The following WSCD1 variants were observed in gnomAD, a reference collection of about 807,000 sequenced individuals.
WSCD1 encodes WSC domain sialate O sulfotransferase 1.
A neutral mutation model predicts 60.4 loss-of-function variants in WSCD1; 41 were observed. The ratio of observed to expected loss-of-function variants is 0.68; its 90% CI spans 0.53 to 0.88. The LOEUF (loss-of-function observed/expected upper bound fraction) is 0.88, where lower values mean the gene tolerates loss of function less well. Among genes scored for constraint, WSCD1 ranks in the 40% least tolerant of loss-of-function variants. The pLI is 0.00. For missense variants in WSCD1, 784 were observed against 796.2 expected, an observed-to-expected ratio of 0.98 and a Z score of 0.18; for synonymous variants, 361 against 332.5, an observed-to-expected ratio of 1.09 and a Z score of -0.93.
chr17:6,111,947 C>T (rs1343110232), intron 7 of WSCD1, among the ~76,000 whole-genome samples: 1 of 152,056 alleles, frequency 6.6e-6, no homozygotes, highest in Non-Finnish European at 1.5e-5. Flanking sequence ...TACAAACAAC[C>T]AAACAAATCT....
At chr17:6,117,188 C>T (rs1395690246) in intron 7 of WSCD1, among the ~76,000 whole-genome samples, 1 of 152,184 alleles carries the variant, frequency 6.6e-6, no homozygotes, top group African/African-American at 2.4e-5. Flanking sequence ...AGTAGTCAGT[C>T]ATTCAGGTTC....
chr17:6,106,309 G>A (rs1409938015), intron 5 of WSCD1, among the ~76,000 whole-genome samples: 1 of 152,196 alleles, frequency 6.6e-6, no homozygotes, highest in Non-Finnish European at 1.5e-5. Flanking sequence ...GCACAAGAAT[G>A]TTCAGAGGAG....
intron 7 of WSCD1, among the ~76,000 whole-genome samples, chr17:6,114,930 G>C (rs1911612968): frequency 6.6e-6 from 1 of 152,108 alleles, no homozygotes; most frequent in Admixed American, 6.6e-5. Flanking sequence ...TTATGAGTGA[G>C]AACATGTGGT....
chr17:6,122,145 AG>A lies in WSCD1; in HGVS notation c.*1485del, dbSNP rs1456771858. The A allele has an allele frequency of 6.6e-6, 1 of 152,378 alleles. No individual in the cohort carries two copies. The highest frequency in any genetic ancestry group is 2.4e-5 in the African/African-American group (1 of 41,444). The allele number at this position is 152,378 out of a possible 1,614,324, so 9.4% of individuals were successfully genotyped here. A position where few individuals can be genotyped will look rare whatever the true frequency, so the allele number is the denominator to read the frequency against. On this transcript the variant is annotated 3_prime_UTR_variant, in exon 9 of 9. Transcript: ENST00000317744. ...GAAGGCAGGGTGAGGGATCTGGGAGAGCAGGACGTTGAGATATCCTGACCCT... is the reference window on the plus strand; with the variant it reads ...GAAGGCAGGGTGAGGGATCTGGGAGACAGGACGTTGAGATATCCTGACCCT...
At position 6,081,211 on chromosome 17, in the gene WSCD1, C is replaced by T. The variant is rs982559609; in HGVS notation, c.427+126C>T. 4 of 1,207,464 alleles carry T rather than the reference C, an allele frequency of 3.3e-6. No homozygotes were observed. The African/African-American group carries it at 6.1e-5, about 19-fold the overall frequency. 74.8% of individuals were successfully genotyped at this position (1,207,464 alleles called of 1,614,324 possible). On this transcript the variant is annotated intron_variant, in intron 2 of 8. Transcript: ENST00000317744. ...CGCTAGATGGTTCTTTCCTTCTGCT[C>T]TGCAGGACAGGAAGGGGCCTGCGAT...
At chr17:6,106,982 C>T (rs1911121868) in intron 5 of WSCD1, among the ~76,000 whole-genome samples, 1 of 152,102 alleles carries the variant, frequency 6.6e-6, no homozygotes. Flanking sequence ...TGAGAGCGTG[C>T]CACAGACTGG....
chr17:6,077,040 G>A (rs566340162), intron 1 of WSCD1, among the ~76,000 whole-genome samples: 2 of 151,940 alleles, frequency 1.3e-5, no homozygotes, highest in African/African-American at 4.8e-5. Context: ...GCTATAAAGT[G>A]TGGTGGAAGT....
Position 6,087,955 on chromosome 17 carries a change from G to A in WSCD1, c.428-35G>A, listed in dbSNP as rs756884349. On this transcript the variant is annotated intron_variant, in intron 2 of 8. Transcript: ENST00000317744. ...CCTAAGGGTGGGCCCATGATTCCTG[G>A]GCCTCTGGTATTAGCCATGCTTCCC... 1.0e-5 allele frequency: 16 copies of A among 1,551,978 alleles called. No homozygotes were observed. The Admixed American group carries it at 2.2e-4, about 21-fold the overall frequency.
chr17:6,097,639 C>T (rs879653749), intron 5 of WSCD1, among the ~76,000 whole-genome samples: 6 of 152,226 alleles, frequency 3.9e-5, no homozygotes, highest in African/African-American at 4.8e-5. Context: ...CCTTCACAAA[C>T]GATGCGGCAG....
At chr17:6,095,954 T>C (rs1910395669) in intron 5 of WSCD1, among the ~76,000 whole-genome samples, 1 of 152,178 alleles carries the variant, frequency 6.6e-6, no homozygotes, top group Admixed American at 6.5e-5. Flanking sequence ...TCACATGCGC[T>C]GGGATTGCTG....
intron 7 of WSCD1, among the ~76,000 whole-genome samples, chr17:6,116,785 T>C (rs1471128158): frequency 1.3e-5 from 2 of 152,246 alleles, no homozygotes; most frequent in Non-Finnish European, 2.9e-5. Context: ...TCACTGCAGA[T>C]ACAAATGCTT....
chr17:6,090,607 G>A, intron 4 of WSCD1, 102 bp downstream of exon 4: 1 of 1,465,706 alleles, frequency 6.8e-7, no homozygotes, highest in East Asian at 2.5e-5. Flanking sequence ...GGCAGAACCT[G>A]TGCCAACCTC....
At chr17:6,116,454 C>T (rs543191678) in intron 7 of WSCD1, among the ~76,000 whole-genome samples, 250 of 152,286 alleles carry the variant, frequency 1.6e-3, no homozygotes, top group African/African-American at 5.4e-3. Context: ...AATGCCCAAC[C>T]ACCAAATCTA....
chr17:6,081,195 G>A, intron 2 of WSCD1, 110 bp downstream of exon 2: 2 of 1,291,202 alleles, frequency 1.5e-6, no homozygotes, highest in Non-Finnish European at 2.1e-6. Flanking sequence ...CCGCTAGATG[G>A]TTCTTTCCTT....
At chr17:6,079,420 C>G (rs1180149458) in intron 1 of WSCD1, among the ~76,000 whole-genome samples, 1 of 152,246 alleles carries the variant, frequency 6.6e-6, no homozygotes, top group Admixed American at 6.5e-5. Context: ...CAACAGCACA[C>G]TTCAGAGGTG....
intron 5 of WSCD1, among the ~76,000 whole-genome samples, chr17:6,107,164 ACCT>A (rs1271876053): frequency 2.0e-5 from 3 of 151,856 alleles, no homozygotes; most frequent in African/African-American, 7.3e-5. Context: ...CTGTATCCTA[ACCT>A]CCTCTTCTTG....
chr17:6,074,973 G>A (rs568572169), intron 1 of WSCD1, among the ~76,000 whole-genome samples: 65 of 152,246 alleles, frequency 4.3e-4, no homozygotes, highest in African/African-American at 1.5e-3. Flanking sequence ...GTCACAGGAG[G>A]GGAATCCAGG....
At chr17:6,102,207 C>G (rs899039512) in intron 5 of WSCD1, among the ~76,000 whole-genome samples, 2 of 152,346 alleles carry the variant, frequency 1.3e-5, no homozygotes, top group African/African-American at 4.8e-5. Flanking sequence ...AGCCACCTTT[C>G]AAATGGAAAA....
In WSCD1 at chr17:6,120,398, C is replaced by T; in HGVS notation, c.1465C>T (p.His489Tyr). Residue 489 changes from histidine to tyrosine, a missense_variant, in exon 9 of 9, where the codon CAC becomes TAC. Transcript: ENST00000317744. The stretch of plus-strand genomic sequence containing the variant: ...GTACGGGAAGCGGCTGCTGGTGGTG[C>T]ACTACGAGGAGCTGCGGCGCAGCCT... ...LKYGKRLLVV[H>Y]YEELRRSLVP... 5 of 1,614,040 alleles carry T rather than the reference C, an allele frequency of 3.1e-6. No homozygotes were observed. The highest frequency in any genetic ancestry group is 4.2e-6 in the Non-Finnish European group (5 of 1,180,028).
Sources: allele counts gnomAD v4.1 joint callset (sites outside exome capture counted in the v4.1 genomes callset), GRCh38; gene constraint gnomAD v4.1.1; transcripts MANE v1.5; gene names NCBI Gene and HGNC (gene_info 2026-07-23, HGNC 2026-07-21).